BTBD9: variants seen among roughly 807,000 people sequenced by gnomAD.
The protein encoded by BTBD9 is BTB/POZ domain-containing protein 9.
Under a neutral mutation model 64.3 loss-of-function variants are expected in BTBD9, and 49 were observed. That is an observed-to-expected ratio of 0.76 (90% CI 0.61 to 0.97). The LOEUF is 0.97. BTBD9 is among the 50% of genes least tolerant of loss of function. The pLI, the probability that BTBD9 is intolerant of heterozygous loss-of-function variation, is 0.00. For missense variants in BTBD9, 598 were observed against 762.1 expected (o/e 0.78, Z 2.53); for synonymous variants, 260 against 274.7 (o/e 0.95, Z 0.53).
intron 5 of BTBD9, among the ~76,000 whole-genome samples, chr6:38,579,386 C>T (rs1301567224): frequency 6.6e-6 from 1 of 152,156 alleles, no homozygotes; most frequent in Non-Finnish European, 1.5e-5. Context: ...TCTGGGTATG[C>T]AGGGTTTAGG....
chr6:38,397,435 G>A (rs1766729820), intron 6 of BTBD9, among the ~76,000 whole-genome samples: 1 of 152,194 alleles, frequency 6.6e-6, no homozygotes, highest in African/African-American at 2.4e-5. Flanking sequence ...AGGAATGAAA[G>A]ATGACGCCCA....
At chr6:38,510,196 C>A (rs1294576090) in intron 6 of BTBD9, among the ~76,000 whole-genome samples, 1 of 152,222 alleles carries the variant, frequency 6.6e-6, no homozygotes, top group African/African-American at 2.4e-5. Flanking sequence ...AGTATACTTA[C>A]ACGAACTGGA....
At chr6:38,588,146 C>CAGT in intron 4 of BTBD9, 1 of 754,410 alleles carries the variant, frequency 1.3e-6, no homozygotes, top group Non-Finnish European at 2.5e-6. Context: ...GTATGGTATT[C>CAGT]AGTATTCAAA....
chr6:38,301,225 A>G (rs1212403280), intron 7 of BTBD9, among the ~76,000 whole-genome samples: 3 of 152,034 alleles, frequency 2.0e-5, no homozygotes, highest in South Asian at 4.1e-4. Flanking sequence ...TGATCATGGT[A>G]GATAAGCTTT....
intron 1 of BTBD9, among the ~76,000 whole-genome samples, chr6:38,605,712 GGA>G (rs1777409517): frequency 6.6e-6 from 1 of 152,050 alleles, no homozygotes; most frequent in Non-Finnish European, 1.5e-5. Context: ...CAGCTACTAG[GGA>G]GGCTGAAGCA....
intron 6 of BTBD9, among the ~76,000 whole-genome samples, chr6:38,544,395 G>A (rs1405692453): frequency 6.6e-6 from 1 of 152,024 alleles, no homozygotes; most frequent in Non-Finnish European, 1.5e-5. Flanking sequence ...AGAGAGTGCT[G>A]TAAATGTGTG....
At chr6:38,365,203 T>C (rs901476882) in intron 6 of BTBD9, among the ~76,000 whole-genome samples, 3 of 152,218 alleles carry the variant, frequency 2.0e-5, no homozygotes, top group African/African-American at 7.2e-5. Flanking sequence ...TTAAATTCTC[T>C]TAACTTATGA....
rs56268245 is a variant in BTBD9, at chr6:38,417,801, A to AGAGAGAGAGAGAGAGAGAGAG, written c.1155-72709_1155-72708insCTCTCTCTCTCTCTCTCTCTC. 9.6e-3 allele frequency among the ~76,000 whole-genome samples: 1,318 copies of AGAGAGAGAGAGAGAGAGAGAG among 136,802 alleles called. 37 individuals are homozygous for AGAGAGAGAGAGAGAGAGAGAG. Among genetic ancestry groups the AGAGAGAGAGAGAGAGAGAGAG allele is most frequent in the East Asian group, 0.025 (118 of 4,666 alleles). 89.7% of individuals were successfully genotyped at this position (136,802 alleles called of 152,430 possible). ...GAGAGAGAGAGAGAGAGAGAGAGAG[A>AGAGAGAGAGAGAGAGAGAGAG]AAAAAAATATTGACACATAACTGGT... is the stretch of plus-strand genomic sequence containing the variant. On this transcript the variant is annotated intron_variant, in intron 6 of 10. Transcript: ENST00000481247.
intron 6 of BTBD9, among the ~76,000 whole-genome samples, chr6:38,464,748 A>C (rs1343177804): frequency 1.3e-5 from 2 of 152,148 alleles, no homozygotes; most frequent in African/African-American, 2.4e-5. Context: ...TGCCTGCCTC[A>C]GTCTCCCAAA....
At chr6:38,236,281 C>T (rs891509016) in intron 9 of BTBD9, among the ~76,000 whole-genome samples, 1 of 152,194 alleles carries the variant, frequency 6.6e-6, no homozygotes, top group Admixed American at 6.5e-5. Context: ...AACCACAATT[C>T]TCAGTTCTCC....
chr6:38,443,007 TA>T (rs922940074), intron 6 of BTBD9, among the ~76,000 whole-genome samples: 3 of 151,190 alleles, frequency 2.0e-5, no homozygotes, highest in Non-Finnish European at 2.9e-5. Flanking sequence ...AAGGATTTTT[TA>T]AAAAAAAATT....
intron 6 of BTBD9, among the ~76,000 whole-genome samples, chr6:38,473,508 C>T (rs982589108): frequency 4.6e-5 from 7 of 152,170 alleles, no homozygotes; most frequent in African/African-American, 1.7e-4. Flanking sequence ...CAACCGTCTA[C>T]ATTAAAGCCC....
At chr6:38,357,918 C>G (rs951091049) in intron 6 of BTBD9, among the ~76,000 whole-genome samples, 1 of 152,098 alleles carries the variant, frequency 6.6e-6, no homozygotes, top group Non-Finnish European at 1.5e-5. Flanking sequence ...CTTGTTTTTT[C>G]ACTAATTAAA....
Position 38,233,299 on chromosome 6 carries a change from C to G in BTBD9, c.1562+23110G>C, listed in dbSNP as rs192477183. Reference sequence around the variant, plus strand: ...TAACGAAACCATTTTTAAGCTCCTACTACATGTCAGGCTCTGTGCCAAGTT... The same window carrying G: ...TAACGAAACCATTTTTAAGCTCCTAGTACATGTCAGGCTCTGTGCCAAGTT... On this transcript the variant is annotated intron_variant, in intron 9 of 10. Coordinates refer to ENST00000481247, the MANE Select transcript of BTBD9 (RefSeq NM_001099272.2). Among the ~76,000 whole-genome samples the G allele has an allele frequency of 3.2e-3, 480 of 152,308 alleles. 1 individual carries two copies. Among genetic ancestry groups the G allele is most frequent in the African/African-American group, 0.011 (450 of 41,562 alleles).
chr6:38,505,964 C>CAACAAAAAAAAAAAAAAAAAA (rs1175511241), intron 6 of BTBD9, among the ~76,000 whole-genome samples: 3 of 82,628 alleles, frequency 3.6e-5, no homozygotes, highest in African/African-American at 1.2e-4. Context: ...TCCGTCTCAA[C>CAACAAAAAAAAAAAAAAAAAA]AAAAAAAAAA....
intron 9 of BTBD9, among the ~76,000 whole-genome samples, chr6:38,208,166 T>C (rs952401253): frequency 1.3e-5 from 2 of 152,182 alleles, no homozygotes; most frequent in Non-Finnish European, 2.9e-5. Context: ...AGCTGTCCCC[T>C]GTCAACTGAG....
intron 6 of BTBD9, among the ~76,000 whole-genome samples, chr6:38,401,878 T>G (rs2127236818): frequency 6.6e-6 from 1 of 152,292 alleles, no homozygotes; most frequent in African/African-American, 2.4e-5. Flanking sequence ...TGACACCTAG[T>G]AAGTGTTCAA....
At chr6:38,252,448 T>C (rs1015472400) in intron 9 of BTBD9, among the ~76,000 whole-genome samples, 2 of 152,238 alleles carry the variant, frequency 1.3e-5, no homozygotes, top group Non-Finnish European at 2.9e-5. Flanking sequence ...GTACAATACA[T>C]TCAAGTTACG....
intron 6 of BTBD9, among the ~76,000 whole-genome samples, chr6:38,495,043 T>C (rs1171223390): frequency 6.6e-6 from 1 of 152,222 alleles, no homozygotes; most frequent in Non-Finnish European, 1.5e-5. Context: ...ATTTTTTCCC[T>C]TTTCTGCCTA....
Sources: gnomAD v4.1 joint callset for allele counts (sites outside exome capture counted in the v4.1 genomes callset) on GRCh38, gnomAD v4.1.1 for gene constraint, MANE v1.5 for transcripts, NCBI Gene and HGNC (gene_info 2026-07-23, HGNC 2026-07-21) for gene names.